Variants in SLC35D4 observed in about 807,000 individuals in gnomAD.
The protein encoded by SLC35D4 is solute carrier family 35 member D4.
the SLC35D4 span, among the ~76,000 whole-genome samples, chr18:23,384,079 AG>A: frequency 4.0e-5 from 6 of 149,520 alleles, no homozygotes; most frequent in Non-Finnish European, 7.4e-5. Flanking sequence ...CTTTAAGCCT[AG>A]GAGCTCGAGA....
chr18:23,256,041 A>G, the SLC35D4 span, among the ~76,000 whole-genome samples: 2 of 152,190 alleles, frequency 1.3e-5, no homozygotes, highest in African/African-American at 4.8e-5. Flanking sequence ...GGCCTTCCTC[A>G]CTATTGATGC....
chr18:23,238,937 T>G, the SLC35D4 span, among the ~76,000 whole-genome samples: 3 of 152,232 alleles, frequency 2.0e-5, no homozygotes, highest in African/African-American at 7.2e-5. Flanking sequence ...GTAGCAGATT[T>G]CTAGGTAACC....
At chr18:23,398,898 G>A in the SLC35D4 span, among the ~76,000 whole-genome samples, 1 of 152,204 alleles carries the variant, frequency 6.6e-6, no homozygotes, top group Non-Finnish European at 1.5e-5. Context: ...CAAGACTGGA[G>A]GAGGTATTAA....
At chr18:23,429,437 A>C in the SLC35D4 span, among the ~76,000 whole-genome samples, 1 of 151,660 alleles carries the variant, frequency 6.6e-6, no homozygotes, top group Non-Finnish European at 1.5e-5. Context: ...GCTCACTCCA[A>C]CCTCCAGCTC....
the SLC35D4 span, among the ~76,000 whole-genome samples, chr18:23,379,067 G>T: frequency 6.6e-6 from 1 of 151,996 alleles, no homozygotes; most frequent in Non-Finnish European, 1.5e-5. Context: ...GGGCAAAGGT[G>T]ATCTGGCTCA....
chr18:23,377,920 T>C, the SLC35D4 span, among the ~76,000 whole-genome samples: 999 of 152,218 alleles, frequency 6.6e-3, 9 homozygotes, highest in African/African-American at 0.023. Flanking sequence ...TCGTGAAAGA[T>C]AAAATGACGC....
chr18:23,366,646 C>T, the SLC35D4 span, among the ~76,000 whole-genome samples: 1 of 152,128 alleles, frequency 6.6e-6, no homozygotes, highest in South Asian at 2.1e-4. Flanking sequence ...GTGGTGACAC[C>T]CTAGGCAGTG....
chr18:23,345,999 A>C, the SLC35D4 span, among the ~76,000 whole-genome samples: 14,430 of 152,082 alleles, frequency 0.095, 919 homozygotes, highest in Middle Eastern at 0.2. Flanking sequence ...AGCTGGGTGC[A>C]CTGGCTCATA....
the SLC35D4 span, among the ~76,000 whole-genome samples, chr18:23,386,275 C>T: frequency 6.6e-6 from 1 of 151,984 alleles, no homozygotes; most frequent in Non-Finnish European, 1.5e-5. Flanking sequence ...AGGAGATTAT[C>T]CTGGATTATT....
At chr18:23,427,833 G>A in the SLC35D4 span, among the ~76,000 whole-genome samples, 1 of 152,174 alleles carries the variant, frequency 6.6e-6, no homozygotes, top group East Asian at 1.9e-4. Flanking sequence ...GGAATACTAT[G>A]CAGCCATAAA....
the SLC35D4 span, chr18:23,257,088 T>C: frequency 1.1e-6 from 1 of 942,052 alleles, no homozygotes; most frequent in Non-Finnish European, 1.6e-6. Context: ...TGTGCCTCCC[T>C]TTCTTCCTCC....
At chr18:23,267,462 A>C in the SLC35D4 span, among the ~76,000 whole-genome samples, 1 of 148,022 alleles carries the variant, frequency 6.8e-6, no homozygotes, top group Non-Finnish European at 1.5e-5. Flanking sequence ...CACTCCCTCC[A>C]CCCCGGCCCA....
At chr18:23,434,571 G>A in the SLC35D4 span, among the ~76,000 whole-genome samples, 1 of 152,130 alleles carries the variant, frequency 6.6e-6, no homozygotes, top group South Asian at 2.1e-4. Context: ...TGGGCAGATC[G>A]CTTGAGCCCA....
At chr18:23,333,142 TTAGAG>T in the SLC35D4 span, among the ~76,000 whole-genome samples, 2 of 152,248 alleles carry the variant, frequency 1.3e-5, no homozygotes, top group African/African-American at 4.8e-5. Context: ...TATGTAATTC[TTAGAG>T]TAAACATTCT....
chr18:23,286,632 G>A, the SLC35D4 span, among the ~76,000 whole-genome samples: 15 of 151,886 alleles, frequency 9.9e-5, no homozygotes, highest in African/African-American at 2.7e-4. Flanking sequence ...TAATCAATAT[G>A]GAGGCTACCC....
chr18:23,355,913 A>G, the SLC35D4 span, among the ~76,000 whole-genome samples: 1 of 152,120 alleles, frequency 6.6e-6, no homozygotes, highest in South Asian at 2.1e-4. Flanking sequence ...GATACCACAC[A>G]TGCTTTGGAC....
chr18:23,271,731 C>G, the SLC35D4 span, among the ~76,000 whole-genome samples: 3 of 152,128 alleles, frequency 2.0e-5, no homozygotes. Context: ...CATCTCCGAC[C>G]TCTGGGGAGA....
the SLC35D4 span, among the ~76,000 whole-genome samples, chr18:23,352,677 CA>C: frequency 6.6e-6 from 1 of 151,920 alleles, no homozygotes; most frequent in Non-Finnish European, 1.5e-5. Flanking sequence ...AAAAGACTTC[CA>C]AAGGGAAACT....
the SLC35D4 span, chr18:23,385,118 A>G: frequency 8.4e-6 from 13 of 1,541,054 alleles, no homozygotes; most frequent in African/African-American, 1.2e-4. Flanking sequence ...CGATCTCATA[A>G]TCATATGGTT....
Sources: allele counts gnomAD v4.1 joint callset (sites outside exome capture counted in the v4.1 genomes callset), GRCh38; gene constraint gnomAD v4.1.1; transcripts MANE v1.5; gene names NCBI Gene and HGNC (gene_info 2026-07-23, HGNC 2026-07-21).